RPS6KA2: variants seen among roughly 807,000 people sequenced by gnomAD.
RPS6KA2 encodes ribosomal protein S6 kinase A2.
Under a neutral mutation model 91.8 loss-of-function variants are expected in RPS6KA2, and 42 were observed. The observed-to-expected ratio is 0.46, with a 90% CI of 0.36 to 0.59. RPS6KA2 has a LOEUF of 0.59. Among genes scored for constraint, RPS6KA2 ranks in the 20% least tolerant of loss-of-function variants. RPS6KA2 has a pLI of 0.00. For synonymous variants in RPS6KA2, 414 were observed against 393.6 expected (o/e 1.05, Z -0.61); for missense variants, 798 against 978.5 (o/e 0.82, Z 2.46).
chr6:166,804,546 TATA>T (rs1779444072), intron 2 of RPS6KA2, among the ~76,000 whole-genome samples: 1 of 149,916 alleles, frequency 6.7e-6, no homozygotes, highest in Non-Finnish European at 1.5e-5. Context: ...AGCTTTCTGT[TATA>T]GATAAATAAC....
At chr6:166,498,762 C>T (rs997305586) in intron 7 of RPS6KA2, 112 bp from the exon 8 acceptor site, 26 of 1,362,736 alleles carry the variant, frequency 1.9e-5, no homozygotes, top group Middle Eastern at 3.6e-4. Context: ...TCCAGGTGGG[C>T]GCAGCAGAGC....
intron 7 of RPS6KA2, among the ~76,000 whole-genome samples, chr6:166,499,507 T>C (rs1781940518): frequency 1.3e-5 from 2 of 152,152 alleles, no homozygotes; most frequent in African/African-American, 4.8e-5. Flanking sequence ...AACTGAATCA[T>C]GGGGGTGGGT....
intron 2 of RPS6KA2, among the ~76,000 whole-genome samples, chr6:166,827,256 C>CAAAAAAAAAAAA (rs56296433): frequency 1.1e-5 from 1 of 94,476 alleles, no homozygotes; most frequent in Non-Finnish European, 2.0e-5. Context: ...CAACCTTATA[C>CAAAAAAAAAAAA]AAAAAAAAAA....
At chr6:166,657,906 C>T (rs559603375) in intron 2 of RPS6KA2, among the ~76,000 whole-genome samples, 10 of 152,130 alleles carry the variant, frequency 6.6e-5, no homozygotes, top group Non-Finnish European at 1.3e-4. Context: ...TTTTTTGAGA[C>T]GGAGTCTCAC....
Position 166,588,010 on chromosome 6 carries a change from A to G in RPS6KA2, c.99+38911T>C, listed in dbSNP as rs187885489. Among the ~76,000 whole-genome samples the G allele has an allele frequency of 3.0e-3, 458 of 152,336 alleles. 3 individuals carry two copies. Among genetic ancestry groups the G allele is most frequent in the African/African-American group, 0.011 (446 of 41,568 alleles). ...CTGAATGCAAAATATGCAGCATAAA[A>G]TGAATGAAAATTGAGACCCCAGTGA... On this transcript the variant is annotated intron_variant, in intron 1 of 20. Transcript: ENST00000265678.
Position 166,418,311 on chromosome 6 carries a change from T to C in RPS6KA2, c.1852A>G (p.Thr618Ala). 1 of 1,613,684 alleles carries C rather than the reference T, an allele frequency of 6.2e-7. No homozygotes were observed. Among genetic ancestry groups the C allele is most frequent in the Non-Finnish European group, 8.5e-7 (1 of 1,179,874 alleles). ...ATCCGCGCCAGAATCTCCTCAGGGG[T>C]ATCGTCTGGCCCATTTGCAAAAGGG... is the stretch of plus-strand genomic sequence containing the variant. ...FTPFANGPDD[T>A]PEEILARIGS... Residue 618 changes from threonine (T) to alanine (A), a missense_variant, in exon 19 of 21, where the codon ACC (threonine) becomes GCC (alanine). By Grantham distance (58) the Thr-to-Ala change is moderately conservative. Transcript: ENST00000265678. This position sits in a 1 kb window ranked among gnomAD's most constrained non-coding sequence, Gnocchi z 4.9.
chr6:166,530,025 T>G (rs11970312), intron 3 of RPS6KA2, among the ~76,000 whole-genome samples: 28,340 of 152,214 alleles, frequency 0.19, 2,827 homozygotes, highest in South Asian at 0.26. Context: ...GTCTATGCAT[T>G]TTTTGTCCTT....
chr6:166,771,792 A>G (rs895185694), intron 2 of RPS6KA2, among the ~76,000 whole-genome samples: 1 of 152,220 alleles, frequency 6.6e-6, no homozygotes, highest in African/African-American at 2.4e-5. Flanking sequence ...CTAACAGGAG[A>G]TGCCAGCGGC....
intron 6 of RPS6KA2, among the ~76,000 whole-genome samples, chr6:166,501,638 G>T (rs1293618272): frequency 6.6e-6 from 1 of 152,218 alleles, no homozygotes; most frequent in Non-Finnish European, 1.5e-5. Flanking sequence ...TGGAGGCAGG[G>T]TCCGTAAAGG....
chr6:166,506,779 G>T (rs566751401), intron 5 of RPS6KA2, among the ~76,000 whole-genome samples: 1 of 152,254 alleles, frequency 6.6e-6, no homozygotes, highest in South Asian at 2.1e-4. Flanking sequence ...TGAAAAGGGG[G>T]AAGGTGGGGA....
At position 166,665,933 on chromosome 6, in the gene RPS6KA2, C is replaced by T. The variant is rs1326792042; in HGVS notation, c.124-127149G>A. Among the ~76,000 whole-genome samples the T allele has an allele frequency of 6.6e-6, 1 of 152,196 alleles. No individual in the cohort carries two copies. Among genetic ancestry groups the T allele is most frequent in the Non-Finnish European group, 1.5e-5 (1 of 68,044 alleles). ...CATGTGAAATCCAGTTTCTGAGAGG[C>T]TCAGGAGCCTTCTTTGACATCATGA... is the stretch of plus-strand genomic sequence containing the variant. On this transcript the variant is annotated intron_variant, in intron 2 of 21. Coordinates refer to the RPS6KA2 transcript ENST00000503859. The surrounding 1 kb of genome is among the most constrained non-coding windows in gnomAD (Gnocchi z 4.5).
At position 166,428,813 on chromosome 6, in the gene RPS6KA2, T is replaced by C. The variant is rs1779017187; in HGVS notation, c.1581+1640A>G. Among the ~76,000 whole-genome samples the C allele has an allele frequency of 2.0e-5, 3 of 151,952 alleles. No homozygotes were observed. The South Asian group carries it at 6.2e-4, about 32-fold the overall frequency. ...AGGTGCTGGAGAGGATGTGGAGAAA[T>C]AGGAACACTTTTACACTGTTGGTGG... On this transcript the variant is annotated intron_variant, in intron 16 of 20. Transcript: ENST00000265678.
chr6:166,700,976 A>G, intron 2 of RPS6KA2: 1 of 785,166 alleles, frequency 1.3e-6, no homozygotes, highest in Non-Finnish European at 2.2e-6. Flanking sequence ...CTCAGAAACA[A>G]GTGGCTAGGT....
chr6:166,839,005 G>A (rs1780389604), intron 2 of RPS6KA2, among the ~76,000 whole-genome samples: 1 of 152,174 alleles, frequency 6.6e-6, no homozygotes, highest in Non-Finnish European at 1.5e-5. Context: ...TGGCACCTCT[G>A]GAGGCTGGCA....
chr6:166,673,633 G>T (rs922894093), intron 2 of RPS6KA2, among the ~76,000 whole-genome samples: 1 of 152,372 alleles, frequency 6.6e-6, no homozygotes, highest in South Asian at 2.1e-4. Flanking sequence ...AACCAAACTT[G>T]TCCAAAGCGC....
intron 11 of RPS6KA2, among the ~76,000 whole-genome samples, chr6:166,464,107 C>CA: frequency 6.6e-6 from 1 of 152,214 alleles, no homozygotes; most frequent in Non-Finnish European, 1.5e-5. Flanking sequence ...CCCTGACCCG[C>CA]AGCCTACAGC....
At chr6:166,710,522 TTATGTGTGGTGTG>T (rs1242415207) in intron 2 of RPS6KA2, among the ~76,000 whole-genome samples, 31 of 146,974 alleles carry the variant, frequency 2.1e-4, no homozygotes, top group African/African-American at 7.7e-4. Flanking sequence ...TGTGTGTGTG[TTATGTGTGGTGTG>T]TATGTGTGTT....
chr6:166,450,001 C>CCA (rs1779822139), intron 13 of RPS6KA2, among the ~76,000 whole-genome samples: 1 of 150,474 alleles, frequency 6.6e-6, no homozygotes, highest in Non-Finnish European at 1.5e-5. Flanking sequence ...ATGGGAACCA[C>CCA]CATGGATGTC....
In RPS6KA2 at chr6:166,451,130, G is replaced by C; in HGVS notation, c.1179C>G (p.His393Gln). The stretch of plus-strand genomic sequence containing the variant: ...GCACGATTGGGTGAACTGGGACTTT[G>C]TGCAGATCTTGCTGTGAGGGCTCCT... ...LIQEPSQQDLHKVPVHPIVQQ... is the reference protein window; with the variant it reads ...LIQEPSQQDLQKVPVHPIVQQ... The change falls in exon 13 of 21, where the codon CAC becomes CAG. Residue 393 changes from histidine to glutamine, a missense_variant. Transcript: ENST00000265678. The C allele has an allele frequency of 1.2e-6, 2 of 1,614,130 alleles. No homozygotes were observed. The highest frequency in any genetic ancestry group is 1.7e-6 in the Non-Finnish European group (2 of 1,180,002).
Sources: allele counts gnomAD v4.1 joint callset (sites outside exome capture counted in the v4.1 genomes callset), GRCh38; gene constraint gnomAD v4.1.1; non-coding constraint Gnocchi (gnomAD v3.1); transcripts MANE v1.5; gene names NCBI Gene and HGNC (gene_info 2026-07-23, HGNC 2026-07-21).